KLHL32: variants seen among roughly 807,000 people sequenced by gnomAD.
The protein encoded by KLHL32 is kelch like family member 32.
Under a neutral mutation model 64.8 loss-of-function variants are expected in KLHL32, and 35 were observed. That is an observed-to-expected ratio of 0.54 (90% CI 0.41 to 0.72). KLHL32 has a LOEUF of 0.72. Among genes scored for constraint, KLHL32 ranks in the 30% least tolerant of loss-of-function variants. The probability of loss-of-function intolerance (pLI) is 0.00; values close to 1 mark genes in which losing one functional copy is unlikely to be tolerated. For missense variants in KLHL32, 589 were observed against 768.5 expected (o/e 0.77, Z 2.76); for synonymous variants, 259 against 281.0 (o/e 0.92, Z 0.78).
chr6:97,132,975 A>G (rs1381677533), intron 10 of KLHL32, among the ~76,000 whole-genome samples: 3 of 152,210 alleles, frequency 2.0e-5, no homozygotes, highest in Non-Finnish European at 4.4e-5. Context: ...TTTGAAAAAT[A>G]TATGTAATAT....
At chr6:97,128,055 T>C (rs1799058007) in intron 8 of KLHL32, among the ~76,000 whole-genome samples, 1 of 152,234 alleles carries the variant, frequency 6.6e-6, no homozygotes, top group Admixed American at 6.5e-5. Flanking sequence ...CCTTGGCAAT[T>C]GCCTGCTGAA....
At chr6:97,095,839 G>C (rs1262357195) in intron 6 of KLHL32, among the ~76,000 whole-genome samples, 1 of 152,200 alleles carries the variant, frequency 6.6e-6, no homozygotes, top group African/African-American at 2.4e-5. Flanking sequence ...CCATTTCCCA[G>C]ATAGCTTTCT....
At chr6:97,103,304 C>G (rs770034530) in intron 6 of KLHL32, among the ~76,000 whole-genome samples, 11 of 151,044 alleles carry the variant, frequency 7.3e-5, no homozygotes, top group Non-Finnish European at 1.6e-4. Context: ...AGCTCCGCTT[C>G]CCAGGTTCAT....
chr6:96,967,829 G>A (rs1458921077), intron 2 of KLHL32, among the ~76,000 whole-genome samples: 3 of 152,296 alleles, frequency 2.0e-5, no homozygotes, highest in East Asian at 3.9e-4. Flanking sequence ...GAGAAAGGCT[G>A]TATACCTGAG....
chr6:96,938,919 G>T (rs1179757494), intron 1 of KLHL32, among the ~76,000 whole-genome samples: 1 of 152,144 alleles, frequency 6.6e-6, no homozygotes, highest in African/African-American at 2.4e-5. Context: ...AAAGTGAACT[G>T]CAGGGGCCCA....
At position 96,989,589 on chromosome 6, in the gene KLHL32, G is replaced by A. The variant is rs547467903; in HGVS notation, c.204+13412G>A. Reference sequence around the variant, plus strand: ...ACAACTGTGCGTCTTGGGGATGGTCGTCTTGTATAGTATCTTGCAGAAATT... The same window carrying A: ...ACAACTGTGCGTCTTGGGGATGGTCATCTTGTATAGTATCTTGCAGAAATT... On this transcript the variant is annotated intron_variant, in intron 3 of 10. Coordinates refer to ENST00000369261, the MANE Select transcript of KLHL32 (RefSeq NM_052904.4). 1.1e-4 allele frequency among the ~76,000 whole-genome samples: 16 copies of A among 152,156 alleles called. No individual in the cohort carries two copies. The South Asian group carries it at 2.9e-3, about 28-fold the overall frequency.
chr6:97,019,982 C>CT (rs2128103546), intron 3 of KLHL32, among the ~76,000 whole-genome samples: 1 of 143,598 alleles, frequency 7.0e-6, no homozygotes, highest in South Asian at 2.2e-4. Flanking sequence ...GAGTCTTGCT[C>CT]TGTCGCCCAG....
At chr6:96,956,164 C>G (rs767285850) in intron 1 of KLHL32, among the ~76,000 whole-genome samples, 3 of 152,284 alleles carry the variant, frequency 2.0e-5, no homozygotes, top group Admixed American at 6.5e-5. Context: ...ATCACGAGAA[C>G]AGCATGAGAA....
the KLHL32 span, among the ~76,000 whole-genome samples, chr6:96,899,550 C>T: frequency 6.6e-6 from 1 of 152,174 alleles, no homozygotes; most frequent in Admixed American, 6.5e-5. Context: ...TTCACACATT[C>T]CAATAGAGCT....
At chr6:97,059,573 A>T (rs1027973820) in intron 4 of KLHL32, among the ~76,000 whole-genome samples, 6 of 152,224 alleles carry the variant, frequency 3.9e-5, no homozygotes, top group Admixed American at 3.3e-4. Flanking sequence ...TCTTAAAAAT[A>T]AACTTCAGAT....
the KLHL32 span, among the ~76,000 whole-genome samples, chr6:96,907,405 A>G: frequency 6.6e-6 from 1 of 152,250 alleles, no homozygotes; most frequent in Admixed American, 6.5e-5. Context: ...CTTTTAAAAC[A>G]TAACCACAAA....
chr6:96,981,864 G>C (rs1031821902), intron 3 of KLHL32, among the ~76,000 whole-genome samples: 1 of 152,022 alleles, frequency 6.6e-6, no homozygotes, highest in Non-Finnish European at 1.5e-5. Flanking sequence ...GTAGTTTTGA[G>C]TGATTTTCCT....
intron 3 of KLHL32, among the ~76,000 whole-genome samples, chr6:97,033,257 T>C (rs983269090): frequency 8.5e-5 from 13 of 152,184 alleles, no homozygotes; most frequent in African/African-American, 2.7e-4. Context: ...TATGCCTATA[T>C]AAGTGAGATC....
the KLHL32 span, among the ~76,000 whole-genome samples, chr6:96,902,016 A>G: frequency 6.6e-6 from 1 of 152,170 alleles, no homozygotes; most frequent in Admixed American, 6.5e-5. Context: ...TGTCTTTGCT[A>G]TTGTGAATAG....
chr6:97,111,890 C>G (rs918795911), intron 6 of KLHL32, among the ~76,000 whole-genome samples: 2 of 152,156 alleles, frequency 1.3e-5, no homozygotes, highest in Non-Finnish European at 2.9e-5. Flanking sequence ...CTCTCTGAAG[C>G]TATGCTGTCA....
intron 7 of KLHL32, among the ~76,000 whole-genome samples, chr6:97,121,835 T>C (rs1008205692): frequency 3.3e-5 from 5 of 152,166 alleles, no homozygotes; most frequent in African/African-American, 1.2e-4. Context: ...GGAGAGAAGA[T>C]GGTTAAAGCT....
the KLHL32 span, among the ~76,000 whole-genome samples, chr6:96,913,303 G>A: frequency 1.3e-5 from 2 of 152,132 alleles, no homozygotes; most frequent in Non-Finnish European, 2.9e-5. Context: ...TCTGGTATTG[G>A]CATTTGTCTG....
At chr6:96,921,921 T>G (rs1768766623), upstream of KLHL32, among the ~76,000 whole-genome samples, 1 of 152,170 alleles carries the variant, frequency 6.6e-6, no homozygotes, top group South Asian at 2.1e-4. Context: ...CTTATCAAAG[T>G]ATATTAAGAG....
chr6:97,057,839 C>T (rs1461113450), intron 4 of KLHL32, among the ~76,000 whole-genome samples: 1 of 152,096 alleles, frequency 6.6e-6, no homozygotes, highest in East Asian at 1.9e-4. Flanking sequence ...TCTAGATCTT[C>T]TCCTATGTTA....
Sources: gnomAD v4.1 joint callset for allele counts (sites outside exome capture counted in the v4.1 genomes callset) on GRCh38, gnomAD v4.1.1 for gene constraint, MANE v1.5 for transcripts, NCBI Gene and HGNC (gene_info 2026-07-23, HGNC 2026-07-21) for gene names.